The following DNAI3 variants were observed in gnomAD, a reference collection of about 807,000 sequenced individuals.
DNAI3 encodes the protein dynein axonemal intermediate chain 3.
A neutral mutation model predicts 115.5 loss-of-function variants in DNAI3; 83 were observed. The ratio of observed to expected loss-of-function variants is 0.72; its 90% CI spans 0.60 to 0.86. The LOEUF is 0.86. DNAI3 is among the 40% of genes least tolerant of loss of function. The probability of loss-of-function intolerance (pLI) is 0.00; values close to 1 mark genes in which losing one functional copy is unlikely to be tolerated. For missense variants in DNAI3, 1,004 were observed against 1,075.8 expected, an observed-to-expected ratio of 0.93 and a Z score of 0.93; for synonymous variants, 320 against 347.0, an observed-to-expected ratio of 0.92 and a Z score of 0.86.
chr1:85,094,990 G>A (rs1277507642), intron 10 of DNAI3, among the ~76,000 whole-genome samples: 6 of 152,118 alleles, frequency 3.9e-5, no homozygotes, highest in African/African-American at 1.4e-4. Flanking sequence ...CTCTAGGCTG[G>A]CTGCCCTCTT....
chr1:85,107,923 A>G, intron 14 of DNAI3, 110 bp from the exon 15 acceptor site: 1 of 755,318 alleles, frequency 1.3e-6, no homozygotes, highest in Non-Finnish European at 1.9e-6. Context: ...TTTCAGATAC[A>G]TTAAAATATA....
At chr1:85,109,457 A>G (rs551825509) in intron 15 of DNAI3, among the ~76,000 whole-genome samples, 28 of 152,220 alleles carry the variant, frequency 1.8e-4, no homozygotes, top group Non-Finnish European at 3.4e-4. Flanking sequence ...TAGTTCAAAC[A>G]AACAACCCCA....
intron 13 of DNAI3, 151 bp downstream of exon 13, chr1:85,098,809 G>A (rs1402418643): frequency 1.8e-6 from 2 of 1,142,634 alleles, no homozygotes; most frequent in Admixed American, 4.9e-5. Context: ...ACTGTTGCCA[G>A]ACCAGTATCT....
chr1:85,086,609 G>A (rs553488146), intron 7 of DNAI3, among the ~76,000 whole-genome samples: 2 of 152,108 alleles, frequency 1.3e-5, no homozygotes, highest in South Asian at 4.2e-4. Context: ...TCCTGCCATT[G>A]CCCATGCTGA....
chr1:85,096,776 T>A (rs1458778934), intron 11 of DNAI3, among the ~76,000 whole-genome samples: 1 of 152,090 alleles, frequency 6.6e-6, no homozygotes. Flanking sequence ...GCAGCTTCCA[T>A]GTCCATTTAT....
At chr1:85,071,364 A>G (rs922806105) in intron 1 of DNAI3, among the ~76,000 whole-genome samples, 2 of 152,244 alleles carry the variant, frequency 1.3e-5, no homozygotes, top group Non-Finnish European at 2.9e-5. Context: ...GTCAAAATTG[A>G]TAAGCAGTTC....
chr1:85,082,442 T>TGTTGTG (rs1349245568), intron 5 of DNAI3, 38 bp downstream of exon 5: 1 of 1,547,126 alleles, frequency 6.5e-7, no homozygotes, highest in Non-Finnish European at 8.9e-7. Flanking sequence ...TGTTTGTTTT[T>TGTTGTG]GTTGTGGTTG....
intron 5 of DNAI3, among the ~76,000 whole-genome samples, chr1:85,083,916 A>G (rs1654707405): frequency 6.6e-6 from 1 of 151,868 alleles, no homozygotes; most frequent in African/African-American, 2.4e-5. Context: ...CTTAACATTC[A>G]CATAAAAATT....
intron 3 of DNAI3, among the ~76,000 whole-genome samples, chr1:85,076,273 T>C (rs1046825699): frequency 3.3e-5 from 5 of 152,088 alleles, no homozygotes; most frequent in African/African-American, 1.2e-4. Context: ...AAAGGCCCAG[T>C]CATCTCCCCA....
chr1:85,082,414 C>A lies in DNAI3; in HGVS notation c.390+10C>A, dbSNP rs766935878. The A allele has an allele frequency of 6.3e-7, 1 of 1,593,058 alleles. No individual in the cohort carries two copies. Among genetic ancestry groups the A allele is most frequent in the Non-Finnish European group, 8.6e-7 (1 of 1,162,058 alleles). On this transcript the variant is annotated intron_variant, in intron 5 of 22. Transcript: ENST00000294664. Reference sequence around the variant, plus strand: ...AGAAAACTATTTAAATGTGAGCAAACCCCAAGCCCTTGTAATTTGTTTGTT... The same window carrying A: ...AGAAAACTATTTAAATGTGAGCAAAACCCAAGCCCTTGTAATTTGTTTGTT...
intron 22 of DNAI3, among the ~76,000 whole-genome samples, chr1:85,130,652 G>C (rs1571206652): frequency 6.7e-6 from 1 of 149,676 alleles, no homozygotes; most frequent in East Asian, 2.0e-4. Context: ...AATGATAGAT[G>C]ATAGATTAGA....
At chr1:85,074,196 C>T (rs1422291840) in intron 3 of DNAI3, among the ~76,000 whole-genome samples, 1 of 152,294 alleles carries the variant, frequency 6.6e-6, no homozygotes, top group East Asian at 1.9e-4. Context: ...TCCAAACCTC[C>T]GCACTCCTCA....
Position 85,084,617 on chromosome 1 carries a change from A to G in DNAI3, c.462A>G (p.Pro154=). The G allele has an allele frequency of 6.3e-7, 1 of 1,579,862 alleles. No homozygotes were observed. The highest frequency in any genetic ancestry group is 1.2e-5 in the South Asian group (1 of 84,918). ...HIPEDVYIYK[P]PVSKPWVSLG... ...CTGAAGATGTGTATATTTATAAACC[A>G]CCTGTCTCTAAACCATGGGTTTCTT... The change falls in exon 6 of 23, where the codon CCA becomes CCG. Residue 154 remains proline (P), a synonymous_variant. Coordinates refer to ENST00000294664, the MANE Select transcript of DNAI3 (RefSeq NM_145172.5).
At chr1:85,126,423 T>C in intron 19 of DNAI3, 88 bp from the exon 20 acceptor site, 18 of 1,370,118 alleles carry the variant, frequency 1.3e-5, no homozygotes, top group Non-Finnish European at 1.7e-5. Flanking sequence ...ATAGCTAGCT[T>C]GAGTTGTACT....
At chr1:85,076,387 G>T (rs1654454756) in intron 3 of DNAI3, among the ~76,000 whole-genome samples, 1 of 152,014 alleles carries the variant, frequency 6.6e-6, no homozygotes, top group Non-Finnish European at 1.5e-5. Context: ...AAAAAGTAGA[G>T]ATCCGTAACA....
chr1:85,094,209 A>G, intron 9 of DNAI3: 1 of 579,064 alleles, frequency 1.7e-6, no homozygotes, highest in Non-Finnish European at 3.0e-6. Flanking sequence ...TGTATATTTT[A>G]TACTAACAGT....
chr1:85,119,690 CCTTTTTTCTTTTTT>C (rs1029475668), intron 17 of DNAI3, among the ~76,000 whole-genome samples: 2 of 151,912 alleles, frequency 1.3e-5, no homozygotes, highest in Non-Finnish European at 2.9e-5. Context: ...TCTGTTTTTT[CCTTTTTTCTTTTTT>C]CTTTTTTTTT....
Position 85,094,498 on chromosome 1 carries a change from A to G in DNAI3, c.1116A>G (p.Leu372=). The change falls in exon 10 of 23, where the codon TTA becomes TTG. Residue 372 remains leucine (L), a synonymous_variant. Transcript: ENST00000294664. ...FEDRVHFSGK[L]LLQPSLILFW... ...ACAGAGTTCACTTTTCTGGTAAATTATTGCTGCAGCCATCACTGATTCTTT... is the reference window on the plus strand; with the variant it reads ...ACAGAGTTCACTTTTCTGGTAAATTGTTGCTGCAGCCATCACTGATTCTTT... The G allele has an allele frequency of 6.2e-7, 1 of 1,614,192 alleles. No individual in the cohort carries two copies. The highest frequency in any genetic ancestry group is 1.3e-5 in the African/African-American group (1 of 75,046).
chr1:85,079,623 G>A (rs751264993), intron 3 of DNAI3, among the ~76,000 whole-genome samples: 32 of 152,108 alleles, frequency 2.1e-4, no homozygotes, highest in Non-Finnish European at 4.4e-4. Context: ...CAGATGCAGA[G>A]CTGAGACTGT....
Sources: allele counts gnomAD v4.1 joint callset (sites outside exome capture counted in the v4.1 genomes callset), GRCh38; gene constraint gnomAD v4.1.1; transcripts MANE v1.5; gene names NCBI Gene and HGNC (gene_info 2026-07-23, HGNC 2026-07-21).